PABPC4L: variants seen among roughly 807,000 people sequenced by gnomAD.
PABPC4L encodes polyadenylate-binding protein 4-like.
For synonymous variants in PABPC4L, 169 were observed against 164.1 expected (o/e 1.03, Z -0.23); for missense variants, 452 against 451.4 (o/e 1.00, Z -0.01).
At chr4:133,985,661 TAAAAC>T in the PABPC4L span, among the ~76,000 whole-genome samples, 5 of 152,116 alleles carry the variant, frequency 3.3e-5, no homozygotes, top group Non-Finnish European at 5.9e-5. Context: ...TTTTAATAGA[TAAAAC>T]AAAAAATTGA....
chr4:133,991,964 T>A, the PABPC4L span, among the ~76,000 whole-genome samples: 1 of 152,174 alleles, frequency 6.6e-6, no homozygotes, highest in African/African-American at 2.4e-5. Flanking sequence ...TTGATCTGTG[T>A]GATTATGAAT....
chr4:133,954,238 AG>A, the PABPC4L span, among the ~76,000 whole-genome samples: 1 of 152,266 alleles, frequency 6.6e-6, no homozygotes, highest in South Asian at 2.1e-4. Context: ...GTCGGGGGAA[AG>A]CATGTTAGGG....
At chr4:133,985,661 T>A in the PABPC4L span, among the ~76,000 whole-genome samples, 1 of 152,116 alleles carries the variant, frequency 6.6e-6, no homozygotes, top group Admixed American at 6.6e-5. Flanking sequence ...TTTTAATAGA[T>A]AAAACAAAAA....
the PABPC4L span, among the ~76,000 whole-genome samples, chr4:134,190,566 C>A: frequency 6.6e-6 from 1 of 152,044 alleles, no homozygotes; most frequent in Non-Finnish European, 1.5e-5. Flanking sequence ...TTTAAGACTA[C>A]AAATAAATCA....
the PABPC4L span, among the ~76,000 whole-genome samples, chr4:134,121,564 C>T: frequency 2.6e-5 from 4 of 151,588 alleles, no homozygotes; most frequent in African/African-American, 7.3e-5. Flanking sequence ...ATATAGCTTC[C>T]CATAGGTCTC....
At chr4:134,088,456 G>A in the PABPC4L span, among the ~76,000 whole-genome samples, 16 of 151,988 alleles carry the variant, frequency 1.1e-4, no homozygotes, top group African/African-American at 3.6e-4. Context: ...TTATCCATTT[G>A]TTCTCTTAAT....
At chr4:134,050,612 G>A in the PABPC4L span, among the ~76,000 whole-genome samples, 1 of 148,364 alleles carries the variant, frequency 6.7e-6, no homozygotes, top group East Asian at 2.1e-4. Context: ...GGCTGAGGCA[G>A]GAGAATCACT....
chr4:133,976,369 G>A, the PABPC4L span, among the ~76,000 whole-genome samples: 6 of 152,076 alleles, frequency 3.9e-5, no homozygotes, highest in African/African-American at 1.4e-4. Flanking sequence ...TGGGCATTTG[G>A]GTTGATTCCA....
chr4:134,132,167 T>G, the PABPC4L span, among the ~76,000 whole-genome samples: 1 of 152,164 alleles, frequency 6.6e-6, no homozygotes, highest in African/African-American at 2.4e-5. Context: ...AATGACTTTA[T>G]GACCAAGAAC....
In PABPC4L at chr4:134,199,964, C is replaced by G; in HGVS notation, c.1056G>C (p.Met352Ile). 1 of 1,551,652 alleles carries G rather than the reference C, an allele frequency of 6.4e-7. No individual in the cohort carries two copies. Among genetic ancestry groups the G allele is most frequent in the Non-Finnish European group, 8.7e-7 (1 of 1,146,978 alleles). Residue 352 changes from methionine (M) to isoleucine (I), a missense_variant, in exon 2 of 2, where the codon ATG (methionine) becomes ATC (isoleucine). Physicochemically the swap from Met to Ile is conservative, Grantham distance 10. Transcript: ENST00000421491. Reference sequence around the variant, plus strand: ...GTTTGGAGCCCAAGATGCGGCCATTCATCTCAGTCATTGCTTTAGTAGCAT... The same window carrying G: ...GTTTGGAGCCCAAGATGCGGCCATTGATCTCAGTCATTGCTTTAGTAGCAT... Reference protein sequence around the residue: ...PEDATKAMTEMNGRILGSKPL... With the variant: ...PEDATKAMTEINGRILGSKPL...
At chr4:133,960,964 G>T in the PABPC4L span, among the ~76,000 whole-genome samples, 1 of 152,026 alleles carries the variant, frequency 6.6e-6, no homozygotes, top group African/African-American at 2.4e-5. Flanking sequence ...TGACCTGATG[G>T]TCTTTCCCTA....
chr4:134,120,419 T>G, the PABPC4L span, among the ~76,000 whole-genome samples: 1 of 149,570 alleles, frequency 6.7e-6, no homozygotes, highest in South Asian at 2.1e-4. Flanking sequence ...TAATATAAAT[T>G]TTTAATATTC....
the PABPC4L span, among the ~76,000 whole-genome samples, chr4:133,991,893 G>A: frequency 1.3e-5 from 2 of 152,208 alleles, no homozygotes; most frequent in African/African-American, 2.4e-5. Flanking sequence ...GAGTTTCGGG[G>A]TGTAATGGAA....
At chr4:134,063,242 TA>T in the PABPC4L span, among the ~76,000 whole-genome samples, 1 of 152,070 alleles carries the variant, frequency 6.6e-6, no homozygotes, top group African/African-American at 2.4e-5. Context: ...GCCAAGAAGC[TA>T]AGTTGAGCTT....
chr4:134,154,819 A>G, the PABPC4L span, among the ~76,000 whole-genome samples: 1 of 152,136 alleles, frequency 6.6e-6, no homozygotes, highest in South Asian at 2.1e-4. Flanking sequence ...GAGCTACTGT[A>G]CTTCTTTTTA....
chr4:134,111,980 A>G, the PABPC4L span, among the ~76,000 whole-genome samples: 1 of 152,172 alleles, frequency 6.6e-6, no homozygotes, highest in African/African-American at 2.4e-5. Flanking sequence ...TTTGAGAATT[A>G]TGAAACAAGG....
the PABPC4L span, among the ~76,000 whole-genome samples, chr4:133,965,053 G>A: frequency 6.6e-6 from 1 of 152,044 alleles, no homozygotes; most frequent in East Asian, 1.9e-4. Context: ...CAATATGATT[G>A]TTTACCTCAA....
chr4:133,956,424 A>T, the PABPC4L span, among the ~76,000 whole-genome samples: 1 of 152,186 alleles, frequency 6.6e-6, no homozygotes, highest in Non-Finnish European at 1.5e-5. Flanking sequence ...TCTGCTCTTA[A>T]TTTGATGCTG....
At chr4:134,030,457 A>G in the PABPC4L span, among the ~76,000 whole-genome samples, 2 of 152,058 alleles carry the variant, frequency 1.3e-5, no homozygotes, top group Non-Finnish European at 2.9e-5. Flanking sequence ...TTTTCTCTAC[A>G]TAGATACACT....
Sources: allele counts gnomAD v4.1 joint callset (sites outside exome capture counted in the v4.1 genomes callset), GRCh38; gene constraint gnomAD v4.1.1; transcripts MANE v1.5; gene names NCBI Gene and HGNC (gene_info 2026-07-23, HGNC 2026-07-21).